Variants in RANBP17 observed in about 807,000 individuals in gnomAD.
The protein encoded by RANBP17 is RAN binding protein 17, also known as ran-binding protein 17.
RANBP17 carries 158 observed loss-of-function variants against 141.2 expected under a neutral mutation model. The ratio of observed to expected loss-of-function variants is 1.12; its 90% CI spans 0.98 to 1.28. The LOEUF (loss-of-function observed/expected upper bound fraction) is 1.28, where lower values mean the gene tolerates loss of function less well. Among genes scored for constraint, RANBP17 ranks in the 50% most tolerant of loss-of-function variants. RANBP17 has a pLI of 0.00. For synonymous variants in RANBP17, 430 were observed against 450.0 expected, an observed-to-expected ratio of 0.96 and a Z score of 0.56; for missense variants, 1,438 against 1,290.7, an observed-to-expected ratio of 1.11 and a Z score of -1.75.
intron 22 of RANBP17, 129 bp from the exon 23 acceptor site, chr5:171,240,799 A>G (rs917718969): frequency 4.9e-6 from 3 of 607,600 alleles, no homozygotes; most frequent in Non-Finnish European, 8.5e-6. Context: ...AATGAATAAA[A>G]AAAAATTCTT....
intron 25 of RANBP17, among the ~76,000 whole-genome samples, chr5:171,281,045 A>G (rs554966401): frequency 1.1e-4 from 16 of 152,288 alleles, no homozygotes; most frequent in African/African-American, 3.8e-4. Context: ...GCTTACCTGA[A>G]CTGGCCTCCA....
At chr5:171,079,043 C>A (rs1392212815) in intron 14 of RANBP17, among the ~76,000 whole-genome samples, 1 of 152,192 alleles carries the variant, frequency 6.6e-6, no homozygotes, top group Non-Finnish European at 1.5e-5. Flanking sequence ...TTTCACCATT[C>A]TGGATACCAC....
At chr5:171,000,283 A>AT (rs1021494500) in intron 14 of RANBP17, among the ~76,000 whole-genome samples, 39 of 151,986 alleles carry the variant, frequency 2.6e-4, no homozygotes, top group African/African-American at 9.4e-4. Context: ...TTTTGTGTTT[A>AT]TTTTTTTGAG....
At chr5:170,965,497 G>A (rs1776488621) in intron 13 of RANBP17, among the ~76,000 whole-genome samples, 1 of 152,160 alleles carries the variant, frequency 6.6e-6, no homozygotes, top group Non-Finnish European at 1.5e-5. Context: ...GAATGGTAAT[G>A]CCTAGGTTTT....
chr5:170,913,508 T>G (rs1204981716), intron 7 of RANBP17, among the ~76,000 whole-genome samples: 2 of 152,106 alleles, frequency 1.3e-5, no homozygotes. Flanking sequence ...ATTAGAAATG[T>G]GATGTAATTA....
At chr5:170,957,745 C>T (rs79040101) in intron 13 of RANBP17, among the ~76,000 whole-genome samples, 4,036 of 152,180 alleles carry the variant, frequency 0.027, 175 homozygotes, top group African/African-American at 0.091. Context: ...TGTCATGTGC[C>T]ATACATGGGT....
intron 18 of RANBP17, among the ~76,000 whole-genome samples, chr5:171,187,387 A>G (rs1202575208): frequency 6.6e-6 from 1 of 152,192 alleles, no homozygotes; most frequent in Non-Finnish European, 1.5e-5. Context: ...TGATGTTGGC[A>G]GAATGATGCC....
In RANBP17 at chr5:171,047,014, C is replaced by CTTT. The variant is rs35304788; in HGVS notation, c.1710+78655_1710+78657dup. Among the ~76,000 whole-genome samples, 104 of 97,776 alleles carry CTTT rather than the reference C, an allele frequency of 1.1e-3. 2 individuals carry two copies. Among genetic ancestry groups the CTTT allele is most frequent in the East Asian group, 1.6e-3 (5 of 3,044 alleles). 64.1% of individuals were successfully genotyped at this position (97,776 alleles called of 152,430 possible). On this transcript the variant is annotated intron_variant, in intron 14 of 27. Coordinates refer to ENST00000523189, the MANE Select transcript of RANBP17 (RefSeq NM_022897.5). Reference sequence around the variant, plus strand: ...GCATCTCATTGTAGTTTTATTTTGCCTTTTTTTTTTTTTTTTTTTTGAGAT... The same window carrying CTTT: ...GCATCTCATTGTAGTTTTATTTTGCCTTTTTTTTTTTTTTTTTTTTTTTGAGAT...
At chr5:171,092,279 A>G (rs1251503106) in intron 14 of RANBP17, among the ~76,000 whole-genome samples, 1 of 152,206 alleles carries the variant, frequency 6.6e-6, no homozygotes, top group Non-Finnish European at 1.5e-5. Context: ...CCCTAATAAT[A>G]TATTGAATGA....
intron 14 of RANBP17, among the ~76,000 whole-genome samples, chr5:171,137,571 G>GGTGT (rs757634108): frequency 0.015 from 937 of 62,382 alleles, 8 homozygotes; most frequent in East Asian, 0.037. Context: ...GTTGACTTGA[G>GGTGT]ATGTGTGTGT....
chr5:170,975,620 C>A, intron 14 of RANBP17, among the ~76,000 whole-genome samples: 1 of 152,198 alleles, frequency 6.6e-6, no homozygotes, highest in East Asian at 1.9e-4. Flanking sequence ...AACAATTCTT[C>A]TAGGTTCTTT....
chr5:171,087,549 A>T (rs942275077), intron 14 of RANBP17, among the ~76,000 whole-genome samples: 1 of 151,640 alleles, frequency 6.6e-6, no homozygotes, highest in African/African-American at 2.4e-5. Context: ...GATCTGTCTA[A>T]TGTTGACAGT....
At chr5:171,006,893 G>A (rs762591127) in intron 14 of RANBP17, among the ~76,000 whole-genome samples, 12 of 152,126 alleles carry the variant, frequency 7.9e-5, no homozygotes, top group Non-Finnish European at 4.4e-5. Flanking sequence ...ATAATTAACA[G>A]CTTTGTAAGC....
chr5:170,897,193 T>C (rs531269711), intron 5 of RANBP17: 3 of 721,856 alleles, frequency 4.2e-6, no homozygotes, highest in South Asian at 1.3e-5. Flanking sequence ...CCGGAAATAA[T>C]TGGGCTGTGG....
intron 3 of RANBP17, among the ~76,000 whole-genome samples, chr5:170,886,071 T>G (rs1473252970): frequency 1.3e-5 from 2 of 152,146 alleles, no homozygotes; most frequent in African/African-American, 2.4e-5. Context: ...CAGACTTTCA[T>G]GAATGTTCTC....
chr5:170,932,234 T>C (rs1170607678), intron 12 of RANBP17, among the ~76,000 whole-genome samples: 1 of 152,226 alleles, frequency 6.6e-6, no homozygotes, highest in Non-Finnish European at 1.5e-5. Flanking sequence ...ATAGGAATGC[T>C]TGTGATTTTT....
chr5:170,929,099 T>C (rs1257966678), intron 12 of RANBP17, among the ~76,000 whole-genome samples: 2 of 152,140 alleles, frequency 1.3e-5, no homozygotes, highest in Non-Finnish European at 2.9e-5. Flanking sequence ...CTTTGTGTCT[T>C]ATAACTTTGC....
At chr5:171,245,972 G>T (rs1291443232) in intron 24 of RANBP17, among the ~76,000 whole-genome samples, 1 of 150,366 alleles carries the variant, frequency 6.7e-6, no homozygotes, top group Non-Finnish European at 1.5e-5. Flanking sequence ...TCCGCCTCCT[G>T]GGTTCAAACA....
chr5:170,949,559 A>G (rs1267671571), intron 12 of RANBP17, among the ~76,000 whole-genome samples: 1 of 152,200 alleles, frequency 6.6e-6, no homozygotes, highest in Admixed American at 6.5e-5. Flanking sequence ...TGGATATAAT[A>G]AAAAAGAAAA....
Sources: allele counts gnomAD v4.1 joint callset (sites outside exome capture counted in the v4.1 genomes callset), GRCh38; gene constraint gnomAD v4.1.1; transcripts MANE v1.5; gene names NCBI Gene and HGNC (gene_info 2026-07-23, HGNC 2026-07-21).